The following RBFOX1 variants were observed in gnomAD, a reference collection of about 807,000 sequenced individuals.
The protein encoded by RBFOX1 is RNA binding fox-1 homolog 1.
Under a neutral mutation model 57.7 loss-of-function variants are expected in RBFOX1, and 8 were observed. The observed-to-expected ratio is 0.14, with a 90% CI of 0.08 to 0.25. The LOEUF is 0.25. RBFOX1 is among the 10% of genes least tolerant of loss of function. The pLI, the probability that RBFOX1 is intolerant of heterozygous loss-of-function variation, is 1.00. For missense variants in RBFOX1, 611 were observed against 548.5 expected, an observed-to-expected ratio of 1.11 and a Z score of -1.14; for synonymous variants, 326 against 222.4, an observed-to-expected ratio of 1.47 and a Z score of -4.15.
At chr16:5,559,977 T>C (rs992037428) in intron 2 of RBFOX1, among the ~76,000 whole-genome samples, 1 of 152,200 alleles carries the variant, frequency 6.6e-6, no homozygotes, top group Non-Finnish European at 1.5e-5. Context: ...CTTGTTGATA[T>C]TCTATCCGTC....
intron 3 of RBFOX1, among the ~76,000 whole-genome samples, chr16:6,867,516 C>T (rs904027708): frequency 2.6e-5 from 4 of 152,122 alleles, no homozygotes; most frequent in African/African-American, 7.2e-5. Flanking sequence ...GTCAGGAGTT[C>T]GAGATCAGCC....
In RBFOX1 at chr16:7,630,650, A is replaced by G. The variant is rs567736615; in HGVS notation, c.724A>G (p.Ser242Gly). 6 of 1,614,060 alleles carry G rather than the reference A, an allele frequency of 3.7e-6. No homozygotes were observed. The highest frequency in any genetic ancestry group is 1.1e-5 in the South Asian group (1 of 91,068). Residue 242 changes from serine (S) to glycine (G), a missense_variant, in exon 11 of 16, where the codon AGT becomes GGT. Transcript: ENST00000550418. ...CAACCAGGAGGGATCTTCCATGTAC[A>G]GTGCCCCCAGTTCACTTGTATATAC... Reference protein sequence around the residue: ...QANQEGSSMYSAPSSLVYTSA... With the variant: ...QANQEGSSMYGAPSSLVYTSA...
chr16:7,278,138 G>A (rs1168584004), intron 4 of RBFOX1, among the ~76,000 whole-genome samples: 1 of 152,128 alleles, frequency 6.6e-6, no homozygotes, highest in Non-Finnish European at 1.5e-5. Context: ...TTCCAAAATT[G>A]TAAGGTAAAT....
At position 6,916,349 on chromosome 16, in the gene RBFOX1, GCT is replaced by G. The variant is rs1483655503; in HGVS notation, c.-15-135707_-15-135706del. ...TTGTTTTTACCTTTTTGCTATTATG[GCT>G]AATGCTGCTTTGGACCTCTGTGCAT... On this transcript the variant is annotated intron_variant, in intron 3 of 15. Coordinates refer to ENST00000550418, the MANE Select transcript of RBFOX1 (RefSeq NM_018723.4). Among the ~76,000 whole-genome samples the G allele has an allele frequency of 2.0e-5, 3 of 152,076 alleles. No individual in the cohort carries two copies. In the East Asian group the frequency reaches 5.8e-4, roughly 29 times the overall value.
At chr16:6,792,463 A>T (rs1477167251) in intron 3 of RBFOX1, among the ~76,000 whole-genome samples, 1 of 152,186 alleles carries the variant, frequency 6.6e-6, no homozygotes, top group Non-Finnish European at 1.5e-5. Context: ...TTCCAGAAAG[A>T]CTGGGGTGAG....
chr16:7,662,458 C>T (rs1376836632), intron 12 of RBFOX1, among the ~76,000 whole-genome samples: 1 of 152,196 alleles, frequency 6.6e-6, no homozygotes, highest in Non-Finnish European at 1.5e-5. Flanking sequence ...CAATCTCCTT[C>T]TGACGCCTTC....
chr16:7,307,842 C>A (rs1430990484), intron 4 of RBFOX1, among the ~76,000 whole-genome samples: 1 of 152,190 alleles, frequency 6.6e-6, no homozygotes, highest in Non-Finnish European at 1.5e-5. Flanking sequence ...CAACTGGCTT[C>A]AATCTTGCTG....
chr16:6,689,975 A>G (rs1051260594), intron 3 of RBFOX1, among the ~76,000 whole-genome samples: 2 of 152,240 alleles, frequency 1.3e-5, no homozygotes, highest in Non-Finnish European at 2.9e-5. Flanking sequence ...TATAAGGGCA[A>G]GCTGATAGAA....
chr16:6,167,298 T>G (rs754908568), intron 1 of RBFOX1, among the ~76,000 whole-genome samples: 3 of 152,200 alleles, frequency 2.0e-5, no homozygotes, highest in Non-Finnish European at 4.4e-5. Context: ...GCACCTACCC[T>G]TTGACGTATA....
At chr16:7,382,626 C>A (rs902968176) in intron 4 of RBFOX1, among the ~76,000 whole-genome samples, 3 of 152,206 alleles carry the variant, frequency 2.0e-5, no homozygotes, top group Admixed American at 1.3e-4. Context: ...ATGGCAAGAA[C>A]AGTGTTTTTC....
intron 3 of RBFOX1, among the ~76,000 whole-genome samples, chr16:6,670,946 G>C (rs889404642): frequency 1.3e-5 from 2 of 152,140 alleles, no homozygotes; most frequent in Non-Finnish European, 2.9e-5. Flanking sequence ...CTTGCAGCGA[G>C]CCGAGATCGT....
chr16:6,009,114 T>A (rs1234048075), intron 4 of RBFOX1, among the ~76,000 whole-genome samples: 1 of 151,854 alleles, frequency 6.6e-6, no homozygotes, highest in East Asian at 1.9e-4. Context: ...TTTTTTTTTT[T>A]CTTCTCCATC....
chr16:6,362,102 T>A (rs1298934394), intron 2 of RBFOX1, among the ~76,000 whole-genome samples: 1 of 152,144 alleles, frequency 6.6e-6, no homozygotes, highest in Non-Finnish European at 1.5e-5. Context: ...ACACATGACC[T>A]TTCATTAAAA....
At chr16:6,127,905 G>T (rs1406758641) in intron 1 of RBFOX1, among the ~76,000 whole-genome samples, 2 of 152,134 alleles carry the variant, frequency 1.3e-5, no homozygotes, top group Admixed American at 1.3e-4. Context: ...TCACTTCAGA[G>T]AATTGAATAA....
At chr16:7,561,770 C>T (rs566605768) in intron 5 of RBFOX1, among the ~76,000 whole-genome samples, 1 of 152,180 alleles carries the variant, frequency 6.6e-6, no homozygotes, top group Non-Finnish European at 1.5e-5. Context: ...AAATTCATCA[C>T]CCATTTTCTG....
chr16:6,763,910 C>T (rs577642119), intron 3 of RBFOX1, among the ~76,000 whole-genome samples: 16 of 152,272 alleles, frequency 1.1e-4, no homozygotes, highest in South Asian at 8.3e-4. Context: ...CTGTGCTTAG[C>T]GTTTGTATAT....
intron 2 of RBFOX1, among the ~76,000 whole-genome samples, chr16:5,491,198 G>A (rs1048121356): frequency 6.6e-5 from 10 of 152,130 alleles, no homozygotes; most frequent in Non-Finnish European, 1.5e-4. Context: ...CAACGCAAGA[G>A]TACAGCTGGA....
chr16:7,066,642 C>G (rs2153758823), intron 4 of RBFOX1, among the ~76,000 whole-genome samples: 1 of 152,216 alleles, frequency 6.6e-6, no homozygotes, highest in South Asian at 2.1e-4. Flanking sequence ...GACAATTTCC[C>G]AAAACTATAG....
chr16:7,574,320 A>G (rs1482959898), intron 5 of RBFOX1, among the ~76,000 whole-genome samples: 1 of 152,260 alleles, frequency 6.6e-6, no homozygotes, highest in African/African-American at 2.4e-5. Flanking sequence ...CTAGAGGGAA[A>G]GAACTAATAA....
Sources: gnomAD v4.1 joint callset for allele counts (sites outside exome capture counted in the v4.1 genomes callset) on GRCh38, gnomAD v4.1.1 for gene constraint, MANE v1.5 for transcripts, NCBI Gene and HGNC (gene_info 2026-07-23, HGNC 2026-07-21) for gene names.